Variants in NIBAN1 observed in about 807,000 individuals in gnomAD.
NIBAN1 encodes protein Niban 1.
In NIBAN1, 81 loss-of-function variants were observed where a neutral mutation model predicts 75.1. The ratio of observed to expected loss-of-function variants is 1.08; its 90% CI spans 0.90 to 1.30. The LOEUF (loss-of-function observed/expected upper bound fraction) is 1.30, where lower values mean the gene tolerates loss of function less well. Among genes scored for constraint, NIBAN1 ranks in the 50% most tolerant of loss-of-function variants. NIBAN1 has a pLI of 0.00. For missense variants in NIBAN1, 1,133 were observed against 1,128.1 expected, an observed-to-expected ratio of 1.00 and a Z score of -0.06; for synonymous variants, 436 against 424.8, an observed-to-expected ratio of 1.03 and a Z score of -0.32.
At chr1:184,914,596 T>A (rs992635516) in intron 1 of NIBAN1, among the ~76,000 whole-genome samples, 1 of 152,200 alleles carries the variant, frequency 6.6e-6, no homozygotes, top group Admixed American at 6.5e-5. Context: ...TTCTTATGTA[T>A]AATTGAGGAT....
In NIBAN1 at chr1:184,795,580, T is replaced by C. The variant is rs1558092971; in HGVS notation, c.2184A>G (p.Pro728=). 1 of 1,614,092 alleles carries C rather than the reference T, an allele frequency of 6.2e-7. No individual in the cohort carries two copies. The highest frequency in any genetic ancestry group is 1.1e-5 in the South Asian group (1 of 91,092). Residue 728 remains proline, a synonymous_variant, in exon 14 of 14, where the codon CCA becomes CCG. Coordinates refer to ENST00000367511, the MANE Select transcript of NIBAN1 (RefSeq NM_052966.4). ...CCCCATTCGTATCTTCTTCCATCAC[T>C]GGAGCAGAGTCCACTGGTACTTCCA... is the stretch of plus-strand genomic sequence containing the variant. ...ASVEVPVDSA[P]VMEEDTNGES...
intron 1 of NIBAN1, among the ~76,000 whole-genome samples, chr1:184,929,345 T>G (rs1657763794): frequency 6.6e-6 from 1 of 152,208 alleles, no homozygotes; most frequent in Admixed American, 6.5e-5. Flanking sequence ...AATATTTTTA[T>G]CACACCAAAA....
intron 1 of NIBAN1, among the ~76,000 whole-genome samples, chr1:184,960,658 A>G (rs1658608323): frequency 4.2e-4 from 3 of 7,128 alleles, no homozygotes; most frequent in African/African-American, 1.3e-3. Context: ...GACGGAGTCT[A>G]CTCTATCTTG....
At chr1:184,834,183 T>C (rs1655077355) in intron 5 of NIBAN1, among the ~76,000 whole-genome samples, 1 of 152,244 alleles carries the variant, frequency 6.6e-6, no homozygotes, top group Admixed American at 6.5e-5. Flanking sequence ...GCAAAGGACA[T>C]GAACTCATCC....
intron 2 of NIBAN1, among the ~76,000 whole-genome samples, 185 bp from the exon 3 acceptor site, chr1:184,894,391 A>G (rs1418606646): frequency 2.0e-5 from 3 of 152,124 alleles, no homozygotes; most frequent in Non-Finnish European, 4.4e-5. Flanking sequence ...CCCAATGTAA[A>G]TATTTGTCTT....
intron 6 of NIBAN1, among the ~76,000 whole-genome samples, chr1:184,829,323 A>C (rs977459033): frequency 2.6e-5 from 4 of 151,990 alleles, no homozygotes; most frequent in Non-Finnish European, 5.9e-5. Context: ...CATGTTTTCT[A>C]TGTGTGTCTC....
At chr1:184,819,679 T>A (rs2102217226) in intron 8 of NIBAN1, among the ~76,000 whole-genome samples, 1 of 152,326 alleles carries the variant, frequency 6.6e-6, no homozygotes, top group South Asian at 2.1e-4. Context: ...ACTAGAAGGC[T>A]AGCCTTGTGG....
At chr1:184,876,318 G>C (rs1436692247) in intron 5 of NIBAN1, among the ~76,000 whole-genome samples, 1 of 152,082 alleles carries the variant, frequency 6.6e-6, no homozygotes. Flanking sequence ...TAAAAAGTGA[G>C]AGGATATTAT....
intron 1 of NIBAN1, among the ~76,000 whole-genome samples, chr1:184,949,893 T>C (rs1465524332): frequency 6.6e-6 from 1 of 152,140 alleles, no homozygotes; most frequent in Non-Finnish European, 1.5e-5. Flanking sequence ...GGGTCCCTGC[T>C]CTGTCACAGA....
At chr1:184,873,147 C>T (rs960824543) in intron 5 of NIBAN1, among the ~76,000 whole-genome samples, 3 of 152,040 alleles carry the variant, frequency 2.0e-5, no homozygotes, top group Admixed American at 6.5e-5. Context: ...TTCAAGAATA[C>T]GAATGAGATA....
chr1:184,835,335 T>G (rs1271459748), intron 5 of NIBAN1, among the ~76,000 whole-genome samples: 1 of 152,256 alleles, frequency 6.6e-6, no homozygotes, highest in Non-Finnish European at 1.5e-5. Context: ...GGCTCGTTTT[T>G]GGTTCCATAT....
At chr1:184,961,428 T>A (rs1490444115) in intron 1 of NIBAN1, among the ~76,000 whole-genome samples, 2 of 152,132 alleles carry the variant, frequency 1.3e-5, no homozygotes, top group African/African-American at 4.8e-5. Context: ...GATAGCAACT[T>A]ATTATCCTTC....
intron 5 of NIBAN1, among the ~76,000 whole-genome samples, chr1:184,842,264 C>T (rs753348916): frequency 6.6e-6 from 1 of 152,220 alleles, no homozygotes; most frequent in African/African-American, 2.4e-5. Context: ...TGAGCATCAA[C>T]ATCACCTAGC....
At chr1:184,877,532 C>T (rs1043296487) in intron 5 of NIBAN1, among the ~76,000 whole-genome samples, 12 of 152,042 alleles carry the variant, frequency 7.9e-5, no homozygotes, top group Non-Finnish European at 1.8e-4. Flanking sequence ...AGCATGATTC[C>T]CTCCCGTATC....
intron 6 of NIBAN1, among the ~76,000 whole-genome samples, chr1:184,825,610 C>T (rs930004275): frequency 2.0e-5 from 3 of 152,180 alleles, no homozygotes; most frequent in Non-Finnish European, 4.4e-5. Context: ...CACATCACTC[C>T]TAAAATTTTG....
At chr1:184,935,421 T>C (rs577485632) in intron 1 of NIBAN1, among the ~76,000 whole-genome samples, 121 of 152,114 alleles carry the variant, frequency 8.0e-4, no homozygotes, top group African/African-American at 2.7e-3. Flanking sequence ...GGTGCGAAGA[T>C]CACTTGAGCC....
At chr1:184,859,834 G>A (rs1298239277) in intron 5 of NIBAN1, among the ~76,000 whole-genome samples, 6 of 152,154 alleles carry the variant, frequency 3.9e-5, no homozygotes, top group Non-Finnish European at 7.4e-5. Flanking sequence ...GGGTTTCATG[G>A]GCAGCATGGT....
chr1:184,833,525 T>C (rs570020511), intron 5 of NIBAN1, among the ~76,000 whole-genome samples: 2 of 151,946 alleles, frequency 1.3e-5, no homozygotes, highest in South Asian at 2.1e-4. Flanking sequence ...CTGGGCAACA[T>C]AGTGAGACCA....
chr1:184,795,102 T>C lies in NIBAN1; in HGVS notation c.2662A>G (p.Ile888Val), dbSNP rs776563118. Residue 888 changes from isoleucine (I) to valine (V), a missense_variant, in exon 14 of 14, where the codon ATT becomes GTT. Transcript: ENST00000367511. ...VNAEEIKVAR[I>V]HECQWVVEDA... The stretch of plus-strand genomic sequence containing the variant: ...TCCACCACCCACTGACACTCATGAA[T>C]ACGGGCTACCTTGATCTCCTCTGCA... 4 of 1,614,008 alleles carry C rather than the reference T, an allele frequency of 2.5e-6. No individual in the cohort carries two copies. The highest frequency in any genetic ancestry group is 3.4e-6 in the Non-Finnish European group (4 of 1,180,042).
Sources: allele counts gnomAD v4.1 joint callset (sites outside exome capture counted in the v4.1 genomes callset), GRCh38; gene constraint gnomAD v4.1.1; transcripts MANE v1.5; gene names NCBI Gene and HGNC (gene_info 2026-07-23, HGNC 2026-07-21).